The following RAB31 variants were observed in gnomAD, a reference collection of about 807,000 sequenced individuals.
RAB31 encodes the protein RAB31, member RAS oncogene family.
Under a neutral mutation model 25.6 loss-of-function variants are expected in RAB31, and 21 were observed. That is an observed-to-expected ratio of 0.82 (90% CI 0.58 to 1.18). The LOEUF is 1.18. RAB31 is among the 50% of genes most tolerant of loss of function. The pLI is 0.00. For missense variants in RAB31, 196 were observed against 250.1 expected (o/e 0.78, Z 1.46); for synonymous variants, 87 against 84.0 (o/e 1.04, Z -0.20).
In RAB31 at chr18:9,859,213, T is replaced by C. The variant is rs751626025; in HGVS notation, c.491-15T>C. ...TAGGAAAGGGAACTCACCCTTGGCC[T>C]CCTTTTTGTTGCAGGCCGCCAGATC... On this transcript the variant is annotated splice_polypyrimidine_tract_variant and intron_variant, in intron 6 of 6. Transcript: ENST00000578921. The C allele has an allele frequency of 1.2e-6, 2 of 1,600,154 alleles. No individual in the cohort carries two copies. The highest frequency in any genetic ancestry group is 1.7e-6 in the Non-Finnish European group (2 of 1,167,358).
At chr18:9,842,847 G>A (rs1213323223) in intron 5 of RAB31, among the ~76,000 whole-genome samples, 1 of 152,232 alleles carries the variant, frequency 6.6e-6, no homozygotes, top group Non-Finnish European at 1.5e-5. Context: ...CACTTCGGCA[G>A]GCCGATGATT....
In RAB31 at chr18:9,766,756, C is replaced by A. The variant is rs536167163; in HGVS notation, c.40-8522C>A. ...TCGCTTGAGGCCAGGAGTTTGAGAC[C>A]AGCCTGGGCAATATAGTGAGACCTC... On this transcript the variant is annotated intron_variant, in intron 1 of 6. Transcript: ENST00000578921. This position sits in a 1 kb window ranked among gnomAD's most constrained non-coding sequence, Gnocchi z 4.3. Among the ~76,000 whole-genome samples the A allele has an allele frequency of 6.6e-6, 1 of 152,178 alleles. No individual in the cohort carries two copies. Among genetic ancestry groups the A allele is most frequent in the South Asian group, 2.1e-4 (1 of 4,810 alleles).
At position 9,770,451 on chromosome 18, in the gene RAB31, C is replaced by G. The variant is rs183901927; in HGVS notation, c.40-4827C>G. Among the ~76,000 whole-genome samples the G allele has an allele frequency of 1.3e-4, 20 of 152,304 alleles. No individual in the cohort carries two copies. The East Asian group carries it at 3.9e-3, about 29-fold the overall frequency. ...TCCTGATTTCATAATTATAGATTTA[C>G]ATGTGATTAATAAGTGTGACAATTC... is the stretch of plus-strand genomic sequence containing the variant. On this transcript the variant is annotated intron_variant, in intron 1 of 6. Transcript: ENST00000578921.
At chr18:9,837,094 T>G (rs1018896283) in intron 5 of RAB31, among the ~76,000 whole-genome samples, 14 of 131,960 alleles carry the variant, frequency 1.1e-4, no homozygotes, top group Non-Finnish European at 1.8e-4. Flanking sequence ...GTGTGAGGAA[T>G]GGGGTGAGAC....
At chr18:9,775,701 C>T (rs1484390056) in intron 2 of RAB31, among the ~76,000 whole-genome samples, 1 of 152,196 alleles carries the variant, frequency 6.6e-6, no homozygotes, top group East Asian at 1.9e-4. Context: ...AAGTTGCCTG[C>T]TAATAAACCC....
At chr18:9,841,795 A>G (rs1279455252) in intron 5 of RAB31, among the ~76,000 whole-genome samples, 1 of 152,200 alleles carries the variant, frequency 6.6e-6, no homozygotes, top group Non-Finnish European at 1.5e-5. Context: ...TTAACATGTC[A>G]TGTAAGGATT....
intron 5 of RAB31, among the ~76,000 whole-genome samples, chr18:9,828,108 C>T (rs1319002954): frequency 6.6e-6 from 1 of 152,060 alleles, no homozygotes; most frequent in Non-Finnish European, 1.5e-5. Flanking sequence ...AGATCTGGAA[C>T]GAAGGCCTGG....
At chr18:9,822,571 C>T (rs548444980) in intron 5 of RAB31, among the ~76,000 whole-genome samples, 97 of 152,022 alleles carry the variant, frequency 6.4e-4, no homozygotes, top group Non-Finnish European at 1.2e-3. Flanking sequence ...AACTATATAT[C>T]TATAAGGGAC....
chr18:9,768,017 G>C (rs545345154), intron 1 of RAB31, among the ~76,000 whole-genome samples: 54 of 152,184 alleles, frequency 3.5e-4, no homozygotes, highest in Middle Eastern at 3.4e-3. Context: ...ATGGTTTCCA[G>C]CTTCATCCGT....
chr18:9,810,605 G>A (rs1401911000), intron 3 of RAB31, among the ~76,000 whole-genome samples: 3 of 152,170 alleles, frequency 2.0e-5, no homozygotes. Context: ...GATTCCATTT[G>A]GAGGAAGGAA....
At chr18:9,797,724 A>C (rs1044741908) in intron 3 of RAB31, among the ~76,000 whole-genome samples, 3 of 152,236 alleles carry the variant, frequency 2.0e-5, no homozygotes, top group African/African-American at 7.2e-5. Context: ...ATCGTTCTTC[A>C]GATATCTCTA....
intron 1 of RAB31, among the ~76,000 whole-genome samples, chr18:9,752,546 C>A (rs2068240872): frequency 6.6e-6 from 1 of 152,282 alleles, no homozygotes; most frequent in East Asian, 1.9e-4. Flanking sequence ...TTTAAATGGA[C>A]AAAACTGTGC....
intron 2 of RAB31, among the ~76,000 whole-genome samples, chr18:9,778,116 A>C (rs905329383): frequency 6.6e-6 from 1 of 152,228 alleles, no homozygotes; most frequent in Admixed American, 6.5e-5. Context: ...TGGGCAGTAC[A>C]TAAAAATGAC....
intron 1 of RAB31, among the ~76,000 whole-genome samples, chr18:9,748,619 G>A (rs1473133199): frequency 1.3e-5 from 2 of 152,078 alleles, no homozygotes; most frequent in Non-Finnish European, 2.9e-5. Context: ...GGGACCAGAT[G>A]CGGTGGCTCA....
chr18:9,720,560 T>A (rs2068068963), intron 1 of RAB31, among the ~76,000 whole-genome samples: 1 of 151,020 alleles, frequency 6.6e-6, no homozygotes, highest in South Asian at 2.1e-4. Context: ...CCGGTGGGAG[T>A]GGCTTCACTT....
chr18:9,768,297 T>G (rs1483197452), intron 1 of RAB31, among the ~76,000 whole-genome samples: 1 of 152,188 alleles, frequency 6.6e-6, no homozygotes, highest in Non-Finnish European at 1.5e-5. Context: ...TCCACAATGT[T>G]TGAACTTACA....
At chr18:9,726,403 C>T (rs2068096317) in intron 1 of RAB31, among the ~76,000 whole-genome samples, 1 of 152,166 alleles carries the variant, frequency 6.6e-6, no homozygotes. Context: ...TGGACTTGGG[C>T]ACGTATTCGC....
chr18:9,856,718 C>T (rs1705446914), intron 6 of RAB31, among the ~76,000 whole-genome samples: 1 of 152,212 alleles, frequency 6.6e-6, no homozygotes. Context: ...AATTATAGTA[C>T]TGTCCAAAAA....
chr18:9,740,574 G>A (rs766123844), intron 1 of RAB31, among the ~76,000 whole-genome samples: 3 of 152,108 alleles, frequency 2.0e-5, no homozygotes, highest in Non-Finnish European at 2.9e-5. Context: ...TTAGCTGGGC[G>A]TGGTGGCGCA....
Sources: allele counts gnomAD v4.1 joint callset (sites outside exome capture counted in the v4.1 genomes callset), GRCh38; gene constraint gnomAD v4.1.1; non-coding constraint Gnocchi (gnomAD v3.1); transcripts MANE v1.5; gene names NCBI Gene and HGNC (gene_info 2026-07-23, HGNC 2026-07-21).